Variants in SPATA17 observed in about 807,000 individuals in gnomAD.
SPATA17 encodes the protein spermatogenesis-associated protein 17.
In SPATA17, 53 loss-of-function variants were observed where a neutral mutation model predicts 62.2. That is an observed-to-expected ratio of 0.85 (90% confidence interval 0.68 to 1.07). SPATA17 has a LOEUF of 1.07. Among genes scored for constraint, SPATA17 ranks in the 50% least tolerant of loss-of-function variants. The pLI is 0.00. For missense variants in SPATA17, 466 were observed against 425.5 expected (o/e 1.10, Z -0.84); for synonymous variants, 146 against 146.8 (o/e 0.99, Z 0.04).
Position 217,669,046 on chromosome 1 carries a change from C to A in SPATA17, c.254C>A (p.Thr85Asn), listed in dbSNP as rs1203962752. 2.5e-6 allele frequency: 4 copies of A among 1,611,534 alleles called. No homozygotes were observed. In the Admixed American group the frequency reaches 6.7e-5, roughly 27 times the overall value. ...CTTGATTCACAGGTAGCATATTATA[C>A]TATGATGATGAATCTCTACAATGCA... ...YQLTVQVAYYTMMMNLYNAMA... is the reference protein window; with the variant it reads ...YQLTVQVAYYNMMMNLYNAMA... Residue 85 changes from threonine to asparagine, a missense_variant, in exon 4 of 11, where the codon ACT becomes AAT. Thr to Asn is a moderately conservative substitution (Grantham distance 65). Transcript: ENST00000366933.
At position 217,651,264 on chromosome 1, in the gene SPATA17, G is replaced by T. The variant is rs1670307408; in HGVS notation, c.240+86G>T. ...CTTTAGTCATATTTCCATATAGTTTGGAAATTACTGATGATGAGTATTTAT... is the reference window on the plus strand; with the variant it reads ...CTTTAGTCATATTTCCATATAGTTTTGAAATTACTGATGATGAGTATTTAT... On this transcript the variant is annotated intron_variant, in intron 3 of 10. Coordinates refer to ENST00000366933, the MANE Select transcript of SPATA17 (RefSeq NM_138796.4). The T allele has an allele frequency of 6.5e-6, 7 of 1,068,958 alleles. No individual in the cohort carries two copies. The South Asian group carries it at 1.3e-4, about 19-fold the overall frequency. The allele number at this position is 1,068,958 out of a possible 1,614,324, so 66.2% of individuals were successfully genotyped here.
At chr1:217,660,507 T>C (rs566344059) in intron 3 of SPATA17, among the ~76,000 whole-genome samples, 2 of 152,318 alleles carry the variant, frequency 1.3e-5, no homozygotes, top group Non-Finnish European at 2.9e-5. Flanking sequence ...CAGGGTGGAT[T>C]GTATTCTTGT....
intron 8 of SPATA17, among the ~76,000 whole-genome samples, chr1:217,789,558 A>G (rs1431858411): frequency 1.3e-5 from 2 of 152,216 alleles, no homozygotes; most frequent in African/African-American, 4.8e-5. Flanking sequence ...GAGTTTTTAA[A>G]GGCAGGAGCA....
Position 217,636,794 on chromosome 1 carries a change from C to T in SPATA17, c.68+5348C>T, listed in dbSNP as rs139494170. Among the ~76,000 whole-genome samples, 189 of 152,278 alleles carry T rather than the reference C, an allele frequency of 1.2e-3. 3 individuals carry two copies. In the East Asian group the frequency reaches 0.032, roughly 26 times the overall value. ...TTCCCATTTCTACTTTCTTCCTCCA[C>T]TTCCATCTTTTAACTTTTTGGTGCC... On this transcript the variant is annotated intron_variant, in intron 1 of 10. Transcript: ENST00000366933.
intron 9 of SPATA17, among the ~76,000 whole-genome samples, chr1:217,840,977 C>T (rs183404177): frequency 2.0e-4 from 30 of 151,740 alleles, no homozygotes; most frequent in African/African-American, 5.5e-4. Context: ...ATGTACATAT[C>T]GTGCATATAT....
chr1:217,831,028 A>G (rs1224022740), intron 9 of SPATA17, among the ~76,000 whole-genome samples: 1 of 152,162 alleles, frequency 6.6e-6, no homozygotes, highest in African/African-American at 2.4e-5. Context: ...AATCTATTCC[A>G]GGAGCTATTT....
chr1:217,690,863 C>T (rs1361335953), intron 5 of SPATA17, among the ~76,000 whole-genome samples: 3 of 144,656 alleles, frequency 2.1e-5, no homozygotes, highest in African/African-American at 7.9e-5. Context: ...TGTATATGTG[C>T]CACATTTTCT....
intron 6 of SPATA17, among the ~76,000 whole-genome samples, chr1:217,744,119 C>G (rs1672691733): frequency 6.6e-6 from 1 of 152,060 alleles, no homozygotes; most frequent in African/African-American, 2.4e-5. Context: ...ATTTCTTTAA[C>G]TAATTTCATT....
chr1:217,642,080 G>A (rs948936785), intron 1 of SPATA17, among the ~76,000 whole-genome samples: 8 of 152,090 alleles, frequency 5.3e-5, no homozygotes, highest in African/African-American at 1.7e-4. Flanking sequence ...ACCCCAGGCA[G>A]GACTATCACA....
intron 5 of SPATA17, among the ~76,000 whole-genome samples, chr1:217,738,468 G>A (rs140698548): frequency 2.8e-3 from 421 of 152,302 alleles, no homozygotes; most frequent in African/African-American, 8.9e-3. Context: ...CTTACATAGC[G>A]CCTTACTGTG....
chr1:217,817,042 A>G (rs1407579822), intron 9 of SPATA17, among the ~76,000 whole-genome samples: 2 of 152,132 alleles, frequency 1.3e-5, no homozygotes, highest in African/African-American at 4.8e-5. Context: ...GCTTTAAAAA[A>G]TTAGAAGAAA....
At chr1:217,855,326 G>A (rs769123639) in intron 9 of SPATA17, among the ~76,000 whole-genome samples, 4 of 152,004 alleles carry the variant, frequency 2.6e-5, no homozygotes, top group Non-Finnish European at 4.4e-5. Context: ...TCTTACCATG[G>A]TATCACTAGC....
At chr1:217,747,578 T>C (rs2102952567) in intron 6 of SPATA17, among the ~76,000 whole-genome samples, 1 of 152,306 alleles carries the variant, frequency 6.6e-6, no homozygotes, top group South Asian at 2.1e-4. Context: ...GTGAAAATGT[T>C]ACCCTGTTTT....
intron 6 of SPATA17, among the ~76,000 whole-genome samples, chr1:217,742,750 T>TA (rs1338403897): frequency 1.3e-5 from 2 of 152,070 alleles, no homozygotes; most frequent in African/African-American, 2.4e-5. Flanking sequence ...GGGAGTGAGA[T>TA]ATGTTTTGTT....
chr1:217,724,823 G>A (rs1672226114), intron 5 of SPATA17, among the ~76,000 whole-genome samples: 1 of 151,746 alleles, frequency 6.6e-6, no homozygotes, highest in South Asian at 2.1e-4. Flanking sequence ...TATTTGTTCT[G>A]TTTGCCTAAT....
intron 7 of SPATA17, among the ~76,000 whole-genome samples, chr1:217,775,264 C>A (rs1193615643): frequency 6.6e-6 from 1 of 152,104 alleles, no homozygotes; most frequent in African/African-American, 2.4e-5. Flanking sequence ...GTCCTTTGCC[C>A]ATTTTTGAAT....
At chr1:217,863,952 C>G (rs371003921) in intron 10 of SPATA17, among the ~76,000 whole-genome samples, 1 of 152,142 alleles carries the variant, frequency 6.6e-6, no homozygotes, top group Non-Finnish European at 1.5e-5. Context: ...AGATTCCAGG[C>G]AAAGTTCCTT....
intron 4 of SPATA17, among the ~76,000 whole-genome samples, chr1:217,681,782 A>T (rs1395004352): frequency 6.6e-6 from 1 of 152,216 alleles, no homozygotes; most frequent in Admixed American, 6.5e-5. Context: ...TCAGAATTTA[A>T]GTAAAGAATT....
chr1:217,834,198 A>G (rs919847080), intron 9 of SPATA17, among the ~76,000 whole-genome samples: 2 of 152,212 alleles, frequency 1.3e-5, no homozygotes, highest in Admixed American at 6.5e-5. Context: ...TACCAGCCAT[A>G]TAAAAGTATA....
Sources: allele counts gnomAD v4.1 joint callset (sites outside exome capture counted in the v4.1 genomes callset), GRCh38; gene constraint gnomAD v4.1.1; transcripts MANE v1.5; gene names NCBI Gene and HGNC (gene_info 2026-07-23, HGNC 2026-07-21).